Variants in GATAD2B observed in about 807,000 individuals in gnomAD.
GATAD2B encodes the protein transcriptional repressor p66-beta.
In GATAD2B, 8 loss-of-function variants were observed where a neutral mutation model predicts 64.3. That is an observed-to-expected ratio of 0.12 (90% CI 0.07 to 0.22). The LOEUF (loss-of-function observed/expected upper bound fraction) is 0.22. Ranked by LOEUF, GATAD2B falls within the 10% of genes least tolerant of loss-of-function variation. GATAD2B has a pLI of 1.00. For synonymous variants in GATAD2B, 281 were observed against 271.3 expected, an observed-to-expected ratio of 1.04 and a Z score of -0.35; for missense variants, 453 against 752.0, an observed-to-expected ratio of 0.60 and a Z score of 4.65.
At chr1:153,811,461 T>C (rs907938889) in intron 10 of GATAD2B, 3 of 489,244 alleles carry the variant, frequency 6.1e-6, no homozygotes, top group Non-Finnish European at 1.1e-5. Flanking sequence ...CCAAAAGAGA[T>C]CAATAACCAC....
chr1:153,916,344 C>T (rs12033532), intron 1 of GATAD2B, among the ~76,000 whole-genome samples: 19,432 of 151,144 alleles, frequency 0.13, 1,721 homozygotes, highest in East Asian at 0.49. Context: ...AAGGCAATAT[C>T]CCAAAATAAG....
chr1:153,922,290 A>C (rs1571016427), intron 1 of GATAD2B, among the ~76,000 whole-genome samples: 1 of 146,402 alleles, frequency 6.8e-6, no homozygotes, highest in East Asian at 2.0e-4. Flanking sequence ...GAGAGAGTTA[A>C]AAAAAAAAAG....
Position 153,826,157 on chromosome 1 carries a change from C to G in GATAD2B, c.335+1856G>C, listed in dbSNP as rs1674871069. On this transcript the variant is annotated intron_variant, in intron 2 of 10. Transcript: ENST00000368655. ...TAGCGGGGACTACAGGCACCTGCCA[C>G]CATGCCTGGCAAATTTTTTGTATTT... Among the ~76,000 whole-genome samples the G allele has an allele frequency of 2.0e-5, 3 of 152,230 alleles. No individual in the cohort carries two copies. The South Asian group carries it at 6.2e-4, about 32-fold the overall frequency.
intron 1 of GATAD2B, among the ~76,000 whole-genome samples, chr1:153,880,818 TG>T (rs1453575212): frequency 3.3e-5 from 5 of 151,968 alleles, no homozygotes; most frequent in Non-Finnish European, 7.4e-5. Flanking sequence ...CACTCCAGCT[TG>T]GGTGACAGAG....
chr1:153,880,218 C>T (rs1194108340), intron 1 of GATAD2B, among the ~76,000 whole-genome samples: 5 of 152,044 alleles, frequency 3.3e-5, no homozygotes, highest in East Asian at 1.9e-4. Flanking sequence ...ATTCCAGCAC[C>T]GTGGGGGCCG....
At chr1:153,847,315 T>C (rs1482093617) in intron 1 of GATAD2B, among the ~76,000 whole-genome samples, 1 of 152,176 alleles carries the variant, frequency 6.6e-6, no homozygotes, top group Non-Finnish European at 1.5e-5. Flanking sequence ...TGTACTTAAT[T>C]ATTGTATTTA....
At chr1:153,840,030 T>C (rs1014036696) in intron 1 of GATAD2B, among the ~76,000 whole-genome samples, 33 of 139,322 alleles carry the variant, frequency 2.4e-4, no homozygotes, top group Non-Finnish European at 3.6e-4. Flanking sequence ...TACTTTCTTT[T>C]TTTTTTTTTT....
chr1:153,906,043 G>T (rs1375748826), intron 1 of GATAD2B, among the ~76,000 whole-genome samples: 1 of 148,998 alleles, frequency 6.7e-6, no homozygotes, highest in Non-Finnish European at 1.5e-5. Flanking sequence ...CTCCAGCCTG[G>T]TGACAGAGGG....
intron 1 of GATAD2B, among the ~76,000 whole-genome samples, chr1:153,921,546 G>A (rs558107004): frequency 5.9e-5 from 9 of 151,800 alleles, no homozygotes; most frequent in South Asian, 2.1e-4. Context: ...AGTATCCTTC[G>A]CCTCTGCTGA....
At chr1:153,884,571 C>T (rs960514192) in intron 1 of GATAD2B, among the ~76,000 whole-genome samples, 1 of 152,182 alleles carries the variant, frequency 6.6e-6, no homozygotes, top group Non-Finnish European at 1.5e-5. Context: ...CACTGCACTC[C>T]AGCCTGGGGG....
chr1:153,918,726 G>C (rs556757082), intron 1 of GATAD2B, among the ~76,000 whole-genome samples: 70 of 152,282 alleles, frequency 4.6e-4, no homozygotes, highest in Non-Finnish European at 7.9e-4. Context: ...GCTGAGGTGG[G>C]CAGATCACCT....
intron 7 of GATAD2B, among the ~76,000 whole-genome samples, chr1:153,815,112 A>C (rs9426939): frequency 1.6e-4 from 18 of 112,588 alleles, no homozygotes; most frequent in African/African-American, 4.0e-4. Context: ...AAAAAAAAAA[A>C]CCAACAAAGA....
At chr1:153,861,620 A>T (rs1438857252) in intron 1 of GATAD2B, among the ~76,000 whole-genome samples, 1 of 138,564 alleles carries the variant, frequency 7.2e-6, no homozygotes, top group Non-Finnish European at 1.6e-5. Context: ...CATCTCTACT[A>T]AAAAAAAAAA....
At chr1:153,854,630 T>C (rs181172169) in intron 1 of GATAD2B, among the ~76,000 whole-genome samples, 3 of 152,242 alleles carry the variant, frequency 2.0e-5, no homozygotes, top group Admixed American at 2.0e-4. Flanking sequence ...TCATCCAGCA[T>C]TACTAGGTGT....
Position 153,818,163 on chromosome 1 carries a change from A to G in GATAD2B, c.606T>C (p.Val202=). The part of the protein sequence containing the change: ...QKENVVQKTP[V]VQNAASIVQP... ...GAACAATAGATGCTGCATTCTGTAC[A>G]ACTGGAGTCTGGGAGAGGGAAGAGA... Residue 202 remains valine, a synonymous_variant, in exon 5 of 11, where the codon GTT becomes GTC. Transcript: ENST00000368655. 1 of 1,601,614 alleles carries G rather than the reference A, an allele frequency of 6.2e-7. No homozygotes were observed. Among genetic ancestry groups the G allele is most frequent in the South Asian group, 1.1e-5 (1 of 89,078 alleles).
intron 1 of GATAD2B, among the ~76,000 whole-genome samples, chr1:153,918,364 C>T (rs1678334128): frequency 6.6e-6 from 1 of 152,172 alleles, no homozygotes; most frequent in African/African-American, 2.4e-5. Flanking sequence ...TTAGTTCATC[C>T]CCTCTCTTTC....
At chr1:153,902,222 G>A (rs1185525694) in intron 1 of GATAD2B, among the ~76,000 whole-genome samples, 7 of 151,808 alleles carry the variant, frequency 4.6e-5, no homozygotes, top group Admixed American at 2.6e-4. Flanking sequence ...CGGAGGTTGC[G>A]GTGAGCCAAG....
chr1:153,849,758 G>A (rs1428501011), intron 1 of GATAD2B, among the ~76,000 whole-genome samples: 3 of 152,118 alleles, frequency 2.0e-5, no homozygotes, highest in African/African-American at 7.2e-5. Flanking sequence ...AGCCTCCTGA[G>A]TAGCTGGGAT....
intron 1 of GATAD2B, among the ~76,000 whole-genome samples, chr1:153,850,920 C>CAA (rs879637778): frequency 1.0e-4 from 14 of 138,472 alleles, no homozygotes; most frequent in African/African-American, 3.2e-4. Context: ...GACTCCACCT[C>CAA]AAAAAAAAAA....
Sources: gnomAD v4.1 joint callset for allele counts (sites outside exome capture counted in the v4.1 genomes callset) on GRCh38, gnomAD v4.1.1 for gene constraint, MANE v1.5 for transcripts, NCBI Gene and HGNC (gene_info 2026-07-23, HGNC 2026-07-21) for gene names.